Variants in C1orf159 observed in about 807,000 individuals in gnomAD.
C1orf159 encodes uncharacterized protein C1orf159.
In C1orf159, 19 loss-of-function variants were observed where a neutral mutation model predicts 25.6. That is an observed-to-expected ratio of 0.74 (90% confidence interval 0.52 to 1.09). The LOEUF is 1.09. C1orf159 is among the 50% of genes least tolerant of loss of function. C1orf159 has a pLI of 0.00. For missense variants in C1orf159, 274 were observed against 290.6 expected (o/e 0.94, Z 0.42); for synonymous variants, 139 against 124.7 (o/e 1.12, Z -0.77).
Position 1,087,501 on chromosome 1 carries a change from C to T in C1orf159, c.244+1G>A. The T allele has an allele frequency of 6.5e-7, 1 of 1,548,166 alleles. No individual in the cohort carries two copies. On this transcript the variant is annotated splice_donor_variant, in intron 5 of 9. Coordinates refer to ENST00000421241, the MANE Select transcript of C1orf159 (RefSeq NM_017891.5). LOFTEE classifies it high-confidence loss of function. This position sits in a 1 kb window ranked among gnomAD's most constrained non-coding sequence, Gnocchi z 8.3. ...AGCCGGGGGGAGCCGGGCAGACCTA[C>T]AGCTTCTACACTCGGAGCCGTTGTA... is the stretch of plus-strand genomic sequence containing the variant.
chr1:1,102,614 TAAAAAAAAA>T (rs1170365187), intron 1 of C1orf159, among the ~76,000 whole-genome samples: 5,918 of 33,776 alleles, frequency 0.18, 585 homozygotes, highest in African/African-American at 0.42. Context: ...CTGTCTCTAC[TAAAAAAAAA>T]AAAAAAAAAA....
intron 6 of C1orf159, among the ~76,000 whole-genome samples, chr1:1,086,774 A>G (rs115057577): frequency 0.037 from 5,578 of 151,842 alleles, 149 homozygotes; most frequent in Non-Finnish European, 0.055. Context: ...GTGTGGTGTC[A>G]GCGTGAGCCG....
At chr1:1,099,672 G>A (rs199633421) in intron 1 of C1orf159, among the ~76,000 whole-genome samples, 3,153 of 84,046 alleles carry the variant, frequency 0.038, 3 homozygotes, top group African/African-American at 0.14. Context: ...TGGATTGTCT[G>A]CTGATGTTTT....
At chr1:1,108,509 G>A (rs368630713) in intron 1 of C1orf159, among the ~76,000 whole-genome samples, 3,762 of 47,260 alleles carry the variant, frequency 0.08, 300 homozygotes, top group African/African-American at 0.3. Context: ...ACCATGTCTC[G>A]GCAGCACCGT....
In C1orf159 at chr1:1,082,840, G is replaced by A. The variant is rs1197256378; in HGVS notation, c.*53C>T. Reference sequence around the variant, plus strand: ...ACTTTGTGCTGGTTCCCGCCAAGGGGTCGGCCTCCGGGTCCCTGCCGCCAA... The same window carrying A: ...ACTTTGTGCTGGTTCCCGCCAAGGGATCGGCCTCCGGGTCCCTGCCGCCAA... On this transcript the variant is annotated 3_prime_UTR_variant, in exon 10 of 10. Transcript: ENST00000421241. 5 of 1,473,680 alleles carry A rather than the reference G, an allele frequency of 3.4e-6. No individual in the cohort carries two copies. The highest frequency in any genetic ancestry group is 1.4e-5 in the African/African-American group (1 of 71,506). 91.3% of individuals were successfully genotyped at this position (1,473,680 alleles called of 1,614,324 possible).
chr1:1,087,003 G>T lies in C1orf159; in HGVS notation c.310+136C>A. ...CAGCTGACCCCAAGCTGCAGGGGCT[G>T]CCACGCTCCCCTCTGGCTGTTTTGC... On this transcript the variant is annotated intron_variant, in intron 6 of 9. Coordinates refer to ENST00000421241, the MANE Select transcript of C1orf159 (RefSeq NM_017891.5). This position sits in a 1 kb window ranked among gnomAD's most constrained non-coding sequence, Gnocchi z 8.3. 1.2e-6 allele frequency: 1 copy of T among 864,440 alleles called. No individual in the cohort carries two copies. 53.5% of individuals were successfully genotyped at this position (864,440 alleles called of 1,614,324 possible).
chr1:1,113,195 CAA>C (rs545670130), intron 1 of C1orf159, among the ~76,000 whole-genome samples: 35 of 134,250 alleles, frequency 2.6e-4, no homozygotes, highest in Non-Finnish European at 3.0e-4. Flanking sequence ...GACTCCATCT[CAA>C]AAAAAAAAAA....
chr1:1,086,956 G>A (rs909192865), intron 6 of C1orf159, among the ~76,000 whole-genome samples, 183 bp downstream of exon 6: 6 of 152,050 alleles, frequency 3.9e-5, no homozygotes, highest in South Asian at 2.1e-4. Context: ...CCCCCATGAC[G>A]CCCCACATCC....
intron 1 of C1orf159, among the ~76,000 whole-genome samples, chr1:1,108,823 T>C (rs1367628209): frequency 4.6e-5 from 4 of 87,888 alleles, no homozygotes; most frequent in Admixed American, 1.3e-4. Context: ...GCAGCAGCAT[T>C]GTTCACCACA....
rs371198893 is a variant in C1orf159, at chr1:1,082,587, A to G, written c.*306T>C. Reference sequence around the variant, plus strand: ...CATAGATCGTGCCAGCTTTGGCTGCAGGCGCTGGGGCCTCACCGTGTTTCC... The same window carrying G: ...CATAGATCGTGCCAGCTTTGGCTGCGGGCGCTGGGGCCTCACCGTGTTTCC... On this transcript the variant is annotated 3_prime_UTR_variant, in exon 10 of 10. Coordinates refer to ENST00000421241, the MANE Select transcript of C1orf159 (RefSeq NM_017891.5). 7.1e-6 allele frequency: 3 copies of G among 420,878 alleles called. No homozygotes were observed. Among genetic ancestry groups the G allele is most frequent in the African/African-American group, 4.1e-5 (2 of 48,424 alleles). The allele number at this position is 420,878 out of a possible 1,614,324, so 26.1% of individuals were successfully genotyped here.
rs571124799 is a variant in C1orf159, at chr1:1,087,054, G to A, written c.310+85C>T. ...AGAACCCTGAGCCTGCTGTGGCTGC[G>A]TCAAGGGTGAGGGTCTGCACTGGCT... On this transcript the variant is annotated intron_variant, in intron 6 of 9. Coordinates refer to ENST00000421241, the MANE Select transcript of C1orf159 (RefSeq NM_017891.5). This position sits in a 1 kb window ranked among gnomAD's most constrained non-coding sequence, Gnocchi z 8.3. 7.0e-5 allele frequency: 96 copies of A among 1,363,240 alleles called. No individual in the cohort carries two copies. The highest frequency in any genetic ancestry group is 8.5e-5 in the Non-Finnish European group (84 of 983,640). 84.4% of individuals were successfully genotyped at this position (1,363,240 alleles called of 1,614,324 possible). A position where few individuals can be genotyped will look rare whatever the true frequency, so the allele number is the denominator to read the frequency against.
At chr1:1,105,505 CA>C (rs112666407) in intron 1 of C1orf159, among the ~76,000 whole-genome samples, 1 of 149,332 alleles carries the variant, frequency 6.7e-6, no homozygotes. Flanking sequence ...GACCCCATCT[CA>C]AAAAAAAATA....
intron 3 of C1orf159, chr1:1,090,882 T>A: frequency 6.5e-7 from 1 of 1,549,988 alleles, no homozygotes; most frequent in Non-Finnish European, 8.7e-7. Context: ...TTACGGTGTG[T>A]GTGAGGGCCC....
chr1:1,091,607 G>A lies in C1orf159; in HGVS notation c.-22-42C>T. 3.5e-6 allele frequency: 5 copies of A among 1,428,322 alleles called. 1 individual carries two copies. Among genetic ancestry groups the A allele is most frequent in the Non-Finnish European group, 4.8e-6 (5 of 1,041,538 alleles). The allele number at this position is 1,428,322 out of a possible 1,614,324, so 88.5% of individuals were successfully genotyped here. ...CATGCGGAGCCAAAGAGATGGAGTG[G>A]GGCTGAGGCAGGGTGGGTGGGGCCA... On this transcript the variant is annotated intron_variant, in intron 2 of 9. Coordinates refer to ENST00000421241, the MANE Select transcript of C1orf159 (RefSeq NM_017891.5).
intron 4 of C1orf159, among the ~76,000 whole-genome samples, chr1:1,088,389 A>AC (rs1645870683): frequency 9.9e-6 from 1 of 101,216 alleles, no homozygotes; most frequent in Non-Finnish European, 1.9e-5. Context: ...GCTGCCTCGC[A>AC]CCCCGTGTTC....
rs375033975 is a variant in C1orf159, at chr1:1,082,975, C to T, written c.515G>A (p.Arg172His). The change falls in exon 10 of 10, where the codon CGC becomes CAC. Residue 172 changes from arginine to histidine, a missense_variant. Transcript: ENST00000421241. Reference protein sequence around the residue: ...PPPQSSVRKPRYVRRERPLDR... With the variant: ...PPPQSSVRKPHYVRRERPLDR... ...CAGGGGCCGCTCCCGCCTGACGTAG[C>T]GCGGCTTCCGTACTGAAACGGGTCA... 3.3e-5 allele frequency: 53 copies of T among 1,599,104 alleles called. No individual in the cohort carries two copies. Among genetic ancestry groups the T allele is most frequent in the Non-Finnish European group, 4.2e-5 (49 of 1,173,584 alleles).
Position 1,087,395 on chromosome 1 carries a change from G to A in C1orf159, c.244+107C>T. On this transcript the variant is annotated intron_variant, in intron 5 of 9. Coordinates refer to ENST00000421241, the MANE Select transcript of C1orf159 (RefSeq NM_017891.5). The surrounding 1 kb of genome is among the most constrained non-coding windows in gnomAD (Gnocchi z 8.3). Reference sequence around the variant, plus strand: ...AGGGGGCTCCCGGGGCTGTTCCCCAGTGGACAGTGGCTCTGGGGCAAGGTG... The same window carrying A: ...AGGGGGCTCCCGGGGCTGTTCCCCAATGGACAGTGGCTCTGGGGCAAGGTG... 8.0e-7 allele frequency: 1 copy of A among 1,243,598 alleles called. No homozygotes were observed. The highest frequency in any genetic ancestry group is 1.5e-5 in the South Asian group (1 of 68,376). 77.0% of individuals were successfully genotyped at this position (1,243,598 alleles called of 1,614,324 possible).
chr1:1,083,989 G>C, intron 9 of C1orf159: 1 of 1,604,856 alleles, frequency 6.2e-7, no homozygotes, highest in Non-Finnish European at 8.5e-7. Flanking sequence ...GCGGAGGCCG[G>C]CTGCGTCTGT....
intron 9 of C1orf159, 68 bp downstream of exon 9, chr1:1,084,285 C>T (rs749919567): frequency 6.6e-7 from 1 of 1,520,800 alleles, no homozygotes; most frequent in Non-Finnish European, 8.8e-7. Flanking sequence ...GGGGACAAAC[C>T]CACAGAGCAC....
Sources: gnomAD v4.1 joint callset for allele counts (sites outside exome capture counted in the v4.1 genomes callset) on GRCh38, gnomAD v4.1.1 for gene constraint, Gnocchi (gnomAD v3.1) non-coding constraint, MANE v1.5 for transcripts, NCBI Gene and HGNC (gene_info 2026-07-23, HGNC 2026-07-21) for gene names.